The following HMCN1 variants were observed in gnomAD, a reference collection of about 807,000 sequenced individuals.
HMCN1 encodes the protein hemicentin-1.
In HMCN1, 321 loss-of-function variants were observed where a neutral mutation model predicts 625.9. The ratio of observed to expected loss-of-function variants is 0.51; its 90% CI spans 0.47 to 0.56. The LOEUF is 0.56. Ranked by LOEUF, HMCN1 falls within the 20% of genes least tolerant of loss-of-function variation. The pLI is 0.00. For synonymous variants in HMCN1, 2,425 were observed against 2,417.6 expected, an observed-to-expected ratio of 1.00 and a Z score of -0.09; for missense variants, 6,588 against 6,887.3, an observed-to-expected ratio of 0.96 and a Z score of 1.54.
At chr1:186,152,503 A>G (rs1435772468) in intron 95 of HMCN1, among the ~76,000 whole-genome samples, 1 of 152,240 alleles carries the variant, frequency 6.6e-6, no homozygotes, top group African/African-American at 2.4e-5. Flanking sequence ...CTGTGAATTT[A>G]AAGTATGAAA....
chr1:185,768,770 AC>A (rs1656037870), intron 1 of HMCN1, among the ~76,000 whole-genome samples: 1 of 152,040 alleles, frequency 6.6e-6, no homozygotes, highest in African/African-American at 2.4e-5. Context: ...ACATAGTAGG[AC>A]CCCATCTCTA....
chr1:185,755,439 A>G (rs1275347178), intron 1 of HMCN1, among the ~76,000 whole-genome samples: 1 of 152,190 alleles, frequency 6.6e-6, no homozygotes, highest in Admixed American at 6.5e-5. Flanking sequence ...AAACATCACA[A>G]TCGGTCAGAT....
chr1:185,959,712 A>T (rs1005146035), intron 11 of HMCN1, among the ~76,000 whole-genome samples: 2 of 152,054 alleles, frequency 1.3e-5, no homozygotes, highest in Non-Finnish European at 2.9e-5. Flanking sequence ...CTCAAGTAAA[A>T]GTGGATTACT....
Position 186,116,334 on chromosome 1 carries a change from G to A in HMCN1, c.11562-660G>A, listed in dbSNP as rs201236797. The stretch of plus-strand genomic sequence containing the variant: ...TAGATTTACTTTAAATCATGTATGT[G>A]TATTTACTAAACCTCCTAAAATGTG... On this transcript the variant is annotated intron_variant, in intron 75 of 106. Coordinates refer to ENST00000271588, the MANE Select transcript of HMCN1 (RefSeq NM_031935.3). Among the ~76,000 whole-genome samples, 24 of 152,054 alleles carry A rather than the reference G, an allele frequency of 1.6e-4. 1 individual carries two copies. In the East Asian group the frequency reaches 2.5e-3, roughly 16 times the overall value.
intron 12 of HMCN1, among the ~76,000 whole-genome samples, chr1:185,963,160 C>T (rs1025519054): frequency 6.6e-6 from 1 of 152,040 alleles, no homozygotes; most frequent in Non-Finnish European, 1.5e-5. Flanking sequence ...GCATTGAATC[C>T]ACTCATGCTC....
At chr1:186,151,775 C>G (rs1458032216) in intron 95 of HMCN1, 32 bp downstream of exon 95, 1 of 1,605,436 alleles carries the variant, frequency 6.2e-7, no homozygotes, top group Non-Finnish European at 8.5e-7. Flanking sequence ...TATTCTATTA[C>G]TATAAAAAGT....
At chr1:186,037,625 A>G (rs1344905258) in intron 36 of HMCN1, among the ~76,000 whole-genome samples, 4 of 152,182 alleles carry the variant, frequency 2.6e-5, no homozygotes, top group African/African-American at 9.6e-5. Flanking sequence ...ATAATTACTT[A>G]CCAAATCAAT....
intron 93 of HMCN1, among the ~76,000 whole-genome samples, chr1:186,146,210 G>T (rs1192708291): frequency 6.6e-6 from 1 of 152,154 alleles, no homozygotes; most frequent in Admixed American, 6.5e-5. Context: ...CAGACTGAAG[G>T]TAAGGTGGGG....
chr1:185,797,451 G>A lies in HMCN1; in HGVS notation c.269-48575G>A, dbSNP rs184821379. ...TTCTGATTAGCTGGGACAGGTGTGT[G>A]CTACCATATCTGGCTAATTAAAAAC... On this transcript the variant is annotated intron_variant, in intron 1 of 106. Coordinates refer to ENST00000271588, the MANE Select transcript of HMCN1 (RefSeq NM_031935.3). Among the ~76,000 whole-genome samples, 30 of 152,268 alleles carry A rather than the reference G, an allele frequency of 2.0e-4. 1 individual carries two copies. The East Asian group carries it at 5.2e-3, about 26-fold the overall frequency.
intron 103 of HMCN1, among the ~76,000 whole-genome samples, chr1:186,174,917 T>C (rs1652468708): frequency 6.6e-6 from 1 of 152,210 alleles, no homozygotes; most frequent in Non-Finnish European, 1.5e-5. Flanking sequence ...ATAATTGCCA[T>C]CACAACTTAA....
chr1:185,774,856 ATGG>A (rs1322165648), intron 1 of HMCN1, among the ~76,000 whole-genome samples: 1 of 152,156 alleles, frequency 6.6e-6, no homozygotes, highest in Non-Finnish European at 1.5e-5. Context: ...GGAATTAATA[ATGG>A]TTAGAATAAA....
intron 55 of HMCN1, among the ~76,000 whole-genome samples, chr1:186,079,528 G>C (rs932345567): frequency 1.3e-5 from 2 of 152,184 alleles, no homozygotes; most frequent in African/African-American, 4.8e-5. Context: ...ATAACAAGTA[G>C]AGTTGTGTGC....
intron 1 of HMCN1, among the ~76,000 whole-genome samples, chr1:185,812,573 A>T (rs1203666099): frequency 1.3e-5 from 2 of 152,186 alleles, no homozygotes; most frequent in African/African-American, 4.8e-5. Context: ...CACATGTACA[A>T]AGCCCACCTC....
At chr1:186,163,123 C>G (rs1228030715) in intron 97 of HMCN1, among the ~76,000 whole-genome samples, 1 of 152,204 alleles carries the variant, frequency 6.6e-6, no homozygotes. Flanking sequence ...GGGCGCCCCT[C>G]CCCCAGCCTC....
intron 47 of HMCN1, 118 bp downstream of exon 47, chr1:186,062,082 G>A: frequency 1.5e-6 from 1 of 648,802 alleles, no homozygotes; most frequent in Non-Finnish European, 2.7e-6. Context: ...CCTGGACTGT[G>A]ACTCTTGGCA....
At chr1:185,991,435 C>T (rs1386334223) in intron 22 of HMCN1, among the ~76,000 whole-genome samples, 3 of 152,082 alleles carry the variant, frequency 2.0e-5, no homozygotes, top group East Asian at 1.9e-4. Context: ...CAGGGGCAAA[C>T]GCTGCCACAA....
intron 22 of HMCN1, among the ~76,000 whole-genome samples, chr1:185,992,935 A>G (rs1413495381): frequency 1.3e-5 from 2 of 152,190 alleles, no homozygotes; most frequent in African/African-American, 2.4e-5. Context: ...AAGAAGCACA[A>G]TTATTTGGGA....
chr1:186,049,511 T>C (rs1196371626), intron 42 of HMCN1, among the ~76,000 whole-genome samples: 1 of 152,018 alleles, frequency 6.6e-6, no homozygotes, highest in Non-Finnish European at 1.5e-5. Context: ...ATTTTACCAT[T>C]TGTTACTAAT....
intron 1 of HMCN1, 28 bp downstream of exon 1, chr1:185,735,075 T>C (rs764266638): frequency 6.2e-7 from 1 of 1,607,264 alleles, no homozygotes; most frequent in Non-Finnish European, 8.5e-7. Context: ...ACTTTGTCTT[T>C]GCTATGTCTC....
Sources: gnomAD v4.1 joint callset for allele counts (sites outside exome capture counted in the v4.1 genomes callset) on GRCh38, gnomAD v4.1.1 for gene constraint, MANE v1.5 for transcripts, NCBI Gene and HGNC (gene_info 2026-07-23, HGNC 2026-07-21) for gene names.